The following CINP variants were observed in gnomAD, a reference collection of about 807,000 sequenced individuals.
CINP encodes the protein cyclin dependent kinase 2 interacting protein.
A neutral mutation model predicts 20.5 loss-of-function variants in CINP; 11 were observed. The observed-to-expected ratio is 0.54, with a 90% CI of 0.34 to 0.89. The LOEUF is 0.89. Among genes scored for constraint, CINP ranks in the 40% least tolerant of loss-of-function variants. The pLI, the probability that CINP is intolerant of heterozygous loss-of-function variation, is 0.02. For synonymous variants in CINP, 108 were observed against 102.1 expected (o/e 1.06, Z -0.35); for missense variants, 213 against 251.0 (o/e 0.85, Z 1.02).
intron 3 of CINP, among the ~76,000 whole-genome samples, chr14:102,355,202 G>T (rs1886969323): frequency 6.6e-6 from 1 of 152,102 alleles, no homozygotes; most frequent in Non-Finnish European, 1.5e-5. Context: ...ATAGAGACTG[G>T]CTGGCCCTGG....
At chr14:102,359,221 TA>T (rs1214080346) in intron 2 of CINP, among the ~76,000 whole-genome samples, 197 bp downstream of exon 2, 1 of 107,368 alleles carries the variant, frequency 9.3e-6, no homozygotes, top group Non-Finnish European at 2.1e-5. Flanking sequence ...AATAAATAAA[TA>T]ACTAAATATA....
chr14:102,352,682 G>A (rs941306347), intron 3 of CINP: 6 of 395,034 alleles, frequency 1.5e-5, no homozygotes, highest in Admixed American at 6.0e-5. Flanking sequence ...TTTTTGACAC[G>A]GAGTCTCACT....
At chr14:102,359,369 A>C in intron 2 of CINP, 50 bp downstream of exon 2, 1 of 1,347,692 alleles carries the variant, frequency 7.4e-7, no homozygotes, top group Non-Finnish European at 1.0e-6. Context: ...TTATTTCCCC[A>C]GTTATTAAGG....
intron 1 of CINP, among the ~76,000 whole-genome samples, chr14:102,360,721 G>A (rs1432640280): frequency 1.3e-5 from 2 of 152,162 alleles, no homozygotes; most frequent in African/African-American, 4.8e-5. Flanking sequence ...GTTAGCTCAA[G>A]GGCCTCTACT....
chr14:102,362,476 T>G, intron 1 of CINP: 1 of 694,212 alleles, frequency 1.4e-6, no homozygotes, highest in Non-Finnish European at 2.6e-6. Flanking sequence ...ATGTTCTGAC[T>G]GAGGGCAGTT....
intron 1 of CINP, among the ~76,000 whole-genome samples, chr14:102,362,397 C>T (rs1446213250): frequency 6.6e-6 from 1 of 152,096 alleles, no homozygotes; most frequent in Non-Finnish European, 1.5e-5. Flanking sequence ...AGATGATCCA[C>T]TTAAAGTGCT....
chr14:102,348,915 G>A (rs567650485), intron 4 of CINP, among the ~76,000 whole-genome samples, 156 bp from the exon 5 acceptor site: 1 of 152,336 alleles, frequency 6.6e-6, no homozygotes, highest in South Asian at 2.1e-4. Flanking sequence ...TCTAGCTGGT[G>A]CAGATTAGTA....
At chr14:102,357,456 G>A (rs1463556852) in intron 2 of CINP, among the ~76,000 whole-genome samples, 1 of 151,396 alleles carries the variant, frequency 6.6e-6, no homozygotes, top group Non-Finnish European at 1.5e-5. Context: ...GCCAAGTTGT[G>A]AAGGCAAAGG....
chr14:102,362,703 G>A, intron 1 of CINP, 142 bp downstream of exon 1: 1 of 1,148,622 alleles, frequency 8.7e-7, no homozygotes, highest in South Asian at 1.3e-5. Flanking sequence ...CGAGGGGCCT[G>A]CGGGCTAGGC....
intron 2 of CINP, 119 bp from the exon 3 acceptor site, chr14:102,356,016 A>G (rs1399471548): frequency 2.0e-6 from 2 of 1,024,336 alleles, no homozygotes. Context: ...TTGCATAAGC[A>G]TTGTTCTTTC....
In CINP at chr14:102,359,591, A is replaced by T; in HGVS notation, c.8-4T>A. 6.2e-7 allele frequency: 1 copy of T among 1,606,720 alleles called. No homozygotes were observed. The highest frequency in any genetic ancestry group is 8.5e-7 in the Non-Finnish European group (1 of 1,176,436). On this transcript the variant is annotated splice_region_variant and splice_polypyrimidine_tract_variant and intron_variant, in intron 1 of 4. Transcript: ENST00000216756. Reference sequence around the variant, plus strand: ...GTTACAGTTCCAAGAGTCTTTGCTGATAGGGTATAAAAGAAACAAAATTAT... The same window carrying T: ...GTTACAGTTCCAAGAGTCTTTGCTGTTAGGGTATAAAAGAAACAAAATTAT...
At position 102,355,760 on chromosome 14, in the gene CINP, T is replaced by A. The variant is rs768697783; in HGVS notation, c.306+8A>T. 2 of 1,613,582 alleles carry A rather than the reference T, an allele frequency of 1.2e-6. No individual in the cohort carries two copies. The highest frequency in any genetic ancestry group is 4.5e-5 in the East Asian group (2 of 44,872). ...TGACCACAAGTGGCCTGCGTCTTTA[T>A]GTCTTACCAACCCATCCAAGGTGGC... On this transcript the variant is annotated splice_region_variant and intron_variant, in intron 3 of 4. Coordinates refer to ENST00000216756, the MANE Select transcript of CINP (RefSeq NM_032630.3).
Position 102,349,931 on chromosome 14 carries a change from T to G in CINP, c.424A>C (p.Thr142Pro). 5 of 1,613,872 alleles carry G rather than the reference T, an allele frequency of 3.1e-6. No individual in the cohort carries two copies. Among genetic ancestry groups the G allele is most frequent in the Non-Finnish European group, 4.2e-6 (5 of 1,179,940 alleles). The change falls in exon 4 of 5, where the codon ACA (threonine) becomes CCA (proline). Residue 142 changes from threonine (T) to proline (P), a missense_variant. By Grantham distance (38) the Thr-to-Pro change is conservative. Transcript: ENST00000216756. ...KRPPLFHTWP[T>P]THFYEVSHKL... ...AGGAACTACTTACAGAAATGGGTTG[T>G]AGGCCACGTGTGGAACAGAGGGGGT...
intron 4 of CINP, 150 bp from the exon 5 acceptor site, chr14:102,348,909 G>C (rs1016982624): frequency 2.9e-6 from 2 of 678,134 alleles, no homozygotes; most frequent in African/African-American, 3.6e-5. Context: ...TACTACTCTA[G>C]CTGGTGCAGA....
intron 1 of CINP, chr14:102,362,639 T>C: frequency 1.4e-6 from 1 of 722,346 alleles, no homozygotes; most frequent in Non-Finnish European, 2.6e-6. Flanking sequence ...TCACTGCACA[T>C]GTGAAAAAAC....
At chr14:102,350,417 G>T (rs1331473754) in intron 3 of CINP, among the ~76,000 whole-genome samples, 3 of 149,968 alleles carry the variant, frequency 2.0e-5, no homozygotes, top group Non-Finnish European at 4.4e-5. Context: ...TTGCGACAGG[G>T]TCTCATTCTG....
chr14:102,348,497 G>T lies in CINP; in HGVS notation c.*60C>A. 1 of 1,485,074 alleles carries T rather than the reference G, an allele frequency of 6.7e-7. No individual in the cohort carries two copies. The highest frequency in any genetic ancestry group is 9.2e-7 in the Non-Finnish European group (1 of 1,092,582). The allele number at this position is 1,485,074 out of a possible 1,614,324, so 92.0% of individuals were successfully genotyped here. ...TCCAGGCCTGCGGCACTGGGTCCTA[G>T]GCAGACTGTCTGCCTGGTGAGACGT... is the stretch of plus-strand genomic sequence containing the variant. On this transcript the variant is annotated 3_prime_UTR_variant, in exon 5 of 5. Transcript: ENST00000216756.
chr14:102,356,028 T>A, intron 2 of CINP, 131 bp from the exon 3 acceptor site: 1 of 897,110 alleles, frequency 1.1e-6, no homozygotes, highest in Non-Finnish European at 1.7e-6. Flanking sequence ...TGTTCTTTCA[T>A]ATCATTATGA....
At position 102,348,294 on chromosome 14, in the gene CINP, ACT is replaced by A. The variant is rs1458156195; in HGVS notation, c.*261_*262del. On this transcript the variant is annotated 3_prime_UTR_variant, in exon 5 of 5. Transcript: ENST00000216756. ...GATCACTCACTCATTCTGCTCAGAA[ACT>A]CATTGATTTTACTCTGAAGCACCCA... is the stretch of plus-strand genomic sequence containing the variant. The A allele has an allele frequency of 3.9e-6, 2 of 506,926 alleles. No homozygotes were observed. The highest frequency in any genetic ancestry group is 3.8e-5 in the African/African-American group (2 of 52,464). The allele number at this position is 506,926 out of a possible 1,614,324, so 31.4% of individuals were successfully genotyped here.
Sources: allele counts gnomAD v4.1 joint callset (sites outside exome capture counted in the v4.1 genomes callset), GRCh38; gene constraint gnomAD v4.1.1; transcripts MANE v1.5; gene names NCBI Gene and HGNC (gene_info 2026-07-23, HGNC 2026-07-21).